The following ARMC9 variants were observed in gnomAD, a reference collection of about 807,000 sequenced individuals.
ARMC9 encodes armadillo repeat containing 9.
ARMC9 carries 94 observed loss-of-function variants against 107.0 expected under a neutral mutation model. The ratio of observed to expected loss-of-function variants is 0.88; its 90% CI spans 0.74 to 1.04. The LOEUF is 1.04. ARMC9 is among the 50% of genes least tolerant of loss of function. ARMC9 has a pLI of 0.00. For missense variants in ARMC9, 942 were observed against 1,030.1 expected (o/e 0.91, Z 1.17); for synonymous variants, 380 against 396.9 (o/e 0.96, Z 0.51).
intron 9 of ARMC9, among the ~76,000 whole-genome samples, chr2:231,250,469 A>G (rs1221244290): frequency 6.6e-6 from 1 of 152,236 alleles, no homozygotes; most frequent in Non-Finnish European, 1.5e-5. Context: ...GAGGGAAAGG[A>G]AACATGGCTA....
chr2:231,200,310 AC>A (rs1338656907), intron 1 of ARMC9, among the ~76,000 whole-genome samples: 1 of 152,124 alleles, frequency 6.6e-6, no homozygotes, highest in East Asian at 1.9e-4. Context: ...TGCCTTGAGT[AC>A]CTTTCTTGCT....
In ARMC9 at chr2:231,202,003, CTTT is replaced by C. The variant is rs5839391; in HGVS notation, c.-42+3319_-42+3321del. ...AGCCGATGACCTTTTTTCTTTCTTT[CTTT>C]TTTTTTTTTTTTTGACAGAGTCTCA... On this transcript the variant is annotated intron_variant, in intron 1 of 24. Transcript: ENST00000611582. Among the ~76,000 whole-genome samples the C allele has an allele frequency of 5.2e-3, 703 of 135,128 alleles. 4 individuals are homozygous for C. The highest frequency in any genetic ancestry group is 5.6e-3 in the Non-Finnish European group (363 of 64,398). 88.6% of individuals were successfully genotyped at this position (135,128 alleles called of 152,430 possible).
chr2:231,349,190 A>G (rs1186860106), intron 21 of ARMC9, among the ~76,000 whole-genome samples: 1 of 152,240 alleles, frequency 6.6e-6, no homozygotes, highest in East Asian at 1.9e-4. Context: ...CTCAGTGTCC[A>G]TCAGCAGATG....
intron 20 of ARMC9, among the ~76,000 whole-genome samples, chr2:231,336,218 T>C (rs1288148430): frequency 6.6e-6 from 1 of 151,988 alleles, no homozygotes; most frequent in African/African-American, 2.4e-5. Flanking sequence ...CCCAGCTTTT[T>C]TTTTTTTTTA....
chr2:231,346,920 G>C (rs748488340), intron 21 of ARMC9, among the ~76,000 whole-genome samples: 8 of 152,106 alleles, frequency 5.3e-5, no homozygotes, highest in Non-Finnish European at 1.2e-4. Context: ...ATGGGAAAGA[G>C]GACACTGAAT....
chr2:231,289,707 C>G (rs956854827), intron 17 of ARMC9, among the ~76,000 whole-genome samples: 6 of 152,178 alleles, frequency 3.9e-5, no homozygotes, highest in Non-Finnish European at 8.8e-5. Context: ...CCGCAGGAGC[C>G]TGGGCACTGC....
intron 8 of ARMC9, among the ~76,000 whole-genome samples, chr2:231,237,747 CTATATGTATATATATATATATATATA>C (rs1272695092): frequency 1.2e-4 from 6 of 49,378 alleles, no homozygotes; most frequent in Admixed American, 3.1e-4. Flanking sequence ...TTGTTCTTGG[CTATATGTATATATATATATATATATA>C]TATATATATT....
chr2:231,270,182 G>T (rs1277549960), intron 12 of ARMC9, among the ~76,000 whole-genome samples: 1 of 152,128 alleles, frequency 6.6e-6, no homozygotes, highest in African/African-American at 2.4e-5. Context: ...GTTTTGGGGT[G>T]GCCCTCTGTT....
intron 10 of ARMC9, among the ~76,000 whole-genome samples, chr2:231,258,638 A>G (rs907042856): frequency 6.6e-6 from 1 of 152,206 alleles, no homozygotes; most frequent in Non-Finnish European, 1.5e-5. Context: ...AAAATTCTAA[A>G]CAGAACTTCA....
chr2:231,298,287 C>T (rs1020199558), intron 19 of ARMC9, among the ~76,000 whole-genome samples: 3 of 152,374 alleles, frequency 2.0e-5, no homozygotes, highest in South Asian at 4.1e-4. Context: ...CACTGCGCAT[C>T]ACCGGTGCCA....
chr2:231,277,011 A>C (rs966662575), intron 15 of ARMC9, among the ~76,000 whole-genome samples: 1 of 152,200 alleles, frequency 6.6e-6, no homozygotes, highest in African/African-American at 2.4e-5. Flanking sequence ...TTAAGAGGAG[A>C]CTAAGTTCAT....
In ARMC9 at chr2:231,216,730, T is replaced by A; in HGVS notation, c.441T>A (p.Pro147=). The change falls in exon 5 of 25, where the codon CCT becomes CCA. Residue 147 remains proline (P), a synonymous_variant. Coordinates refer to ENST00000611582, the MANE Select transcript of ARMC9 (RefSeq NM_001352754.2). ...AALSQTTEFL[P]FYALPFVPNP... ...TGAGCCAGACCACAGAGTTTCTTCC[T>A]TTCTATGCCCTTCCTTTTGTTCCCA... 6.2e-7 allele frequency: 1 copy of A among 1,614,108 alleles called. No homozygotes were observed. The highest frequency in any genetic ancestry group is 1.1e-5 in the South Asian group (1 of 91,084).
At chr2:231,366,176 G>A (rs190457140) in intron 23 of ARMC9, among the ~76,000 whole-genome samples, 228 of 152,266 alleles carry the variant, frequency 1.5e-3, no homozygotes, top group African/African-American at 5.0e-3. Context: ...AAGTCCAAAG[G>A]CCATCAGTTG....
chr2:231,241,796 T>C (rs1452063054), intron 9 of ARMC9, among the ~76,000 whole-genome samples: 1 of 151,946 alleles, frequency 6.6e-6, no homozygotes, highest in Admixed American at 6.6e-5. Flanking sequence ...GGGCTAAGGC[T>C]GGTACAAAAA....
At chr2:231,199,856 C>T (rs2125294015) in intron 1 of ARMC9, among the ~76,000 whole-genome samples, 1 of 152,092 alleles carries the variant, frequency 6.6e-6, no homozygotes, top group East Asian at 1.9e-4. Flanking sequence ...CGCCACCACG[C>T]CCGGCTAATT....
chr2:231,353,980 T>TACACACACACACAC (rs35433958), intron 21 of ARMC9, among the ~76,000 whole-genome samples: 1 of 135,292 alleles, frequency 7.4e-6, no homozygotes, highest in African/African-American at 3.1e-5. Flanking sequence ...TATGTATATA[T>TACACACACACACAC]ACACACACAC....
At chr2:231,224,603 G>A (rs1464100546) in intron 6 of ARMC9, among the ~76,000 whole-genome samples, 1 of 152,202 alleles carries the variant, frequency 6.6e-6, no homozygotes, top group African/African-American at 2.4e-5. Context: ...TTAAGTACTT[G>A]TCACCTTTCA....
At chr2:231,323,248 G>A (rs186188055) in intron 19 of ARMC9, among the ~76,000 whole-genome samples, 3 of 152,084 alleles carry the variant, frequency 2.0e-5, no homozygotes, top group South Asian at 4.1e-4. Context: ...CAGCTGGAAG[G>A]CCTGAGTTGG....
intron 19 of ARMC9, among the ~76,000 whole-genome samples, chr2:231,316,381 C>G (rs2042680107): frequency 6.6e-6 from 1 of 151,828 alleles, no homozygotes; most frequent in African/African-American, 2.4e-5. Context: ...TCTTAGTTGG[C>G]AGGGCGCAGT....
Sources: gnomAD v4.1 joint callset for allele counts (sites outside exome capture counted in the v4.1 genomes callset) on GRCh38, gnomAD v4.1.1 for gene constraint, MANE v1.5 for transcripts, NCBI Gene and HGNC (gene_info 2026-07-23, HGNC 2026-07-21) for gene names.